Variants in STARD10 observed in about 807,000 individuals in gnomAD.
The protein encoded by STARD10 is START domain-containing protein 10.
Under a neutral mutation model 36.0 loss-of-function variants are expected in STARD10, and 24 were observed. That is an observed-to-expected ratio of 0.67 (90% CI 0.48 to 0.94). The LOEUF (loss-of-function observed/expected upper bound fraction) is 0.94. STARD10 is among the 40% of genes least tolerant of loss of function. STARD10 has a pLI of 0.00. For synonymous variants in STARD10, 156 were observed against 161.9 expected, an observed-to-expected ratio of 0.96 and a Z score of 0.28; for missense variants, 335 against 396.6, an observed-to-expected ratio of 0.84 and a Z score of 1.32.
chr11:72,758,418 G>A (rs1338769042), intron 4 of STARD10, 112 bp downstream of exon 4: 6 of 793,952 alleles, frequency 7.6e-6, no homozygotes, highest in Non-Finnish European at 1.3e-5. Flanking sequence ...GAAACTGAGG[G>A]CCAGTGGGCC....
At chr11:72,780,633 A>C in intron 2 of STARD10, 1 of 397,214 alleles carries the variant, frequency 2.5e-6, no homozygotes, top group East Asian at 5.8e-5. Context: ...CAAGTCAGGA[A>C]CCAGGTGCAG....
intron 1 of STARD10, among the ~76,000 whole-genome samples, chr11:72,787,682 C>T (rs907637505): frequency 6.6e-6 from 1 of 152,244 alleles, no homozygotes; most frequent in African/African-American, 2.4e-5. Flanking sequence ...GTCAGAGGCG[C>T]CTGATCCATC....
At chr11:72,773,136 C>A (rs571295457) in intron 2 of STARD10, among the ~76,000 whole-genome samples, 1 of 152,160 alleles carries the variant, frequency 6.6e-6, no homozygotes, top group African/African-American at 2.4e-5. Flanking sequence ...ATATTAAGGA[C>A]AGAGTAACCT....
At chr11:72,763,776 G>A (rs916005941) in intron 2 of STARD10, among the ~76,000 whole-genome samples, 1 of 152,180 alleles carries the variant, frequency 6.6e-6, no homozygotes, top group Non-Finnish European at 1.5e-5. Context: ...ATCATCGTTA[G>A]CATCCAAACA....
intron 1 of STARD10, among the ~76,000 whole-genome samples, chr11:72,782,963 G>A (rs1859024336): frequency 1.3e-5 from 2 of 152,162 alleles, no homozygotes; most frequent in African/African-American, 2.4e-5. Context: ...TCCTGTCTGT[G>A]CCCCGCTGCC....
chr11:72,763,072 T>C (rs1858741683), intron 2 of STARD10, among the ~76,000 whole-genome samples: 1 of 152,174 alleles, frequency 6.6e-6, no homozygotes, highest in Non-Finnish European at 1.5e-5. Flanking sequence ...TGGCCAACTC[T>C]TCAAGGTTTA....
chr11:72,759,201 G>C (rs1362385661), intron 3 of STARD10, 33 bp downstream of exon 3: 1 of 1,611,056 alleles, frequency 6.2e-7, no homozygotes, highest in Non-Finnish European at 8.5e-7. Flanking sequence ...TGGAGGCCAA[G>C]GGGACTGGGA....
chr11:72,778,109 T>C (rs924847405), intron 2 of STARD10, among the ~76,000 whole-genome samples: 1 of 152,090 alleles, frequency 6.6e-6, no homozygotes, highest in African/African-American at 2.4e-5. Flanking sequence ...CAAACAAGAA[T>C]AGGATGATGA....
At chr11:72,771,672 C>T (rs1351540454) in intron 2 of STARD10, among the ~76,000 whole-genome samples, 1 of 152,092 alleles carries the variant, frequency 6.6e-6, no homozygotes, top group African/African-American at 2.4e-5. Flanking sequence ...CTCCCTGGTC[C>T]CCAGCAGCCT....
chr11:72,775,441 G>C (rs1002565583), intron 2 of STARD10, among the ~76,000 whole-genome samples: 40 of 151,938 alleles, frequency 2.6e-4, no homozygotes, highest in African/African-American at 9.4e-4. Context: ...CCTGAGTTCT[G>C]AGCCTGCACT....
intron 1 of STARD10, chr11:72,790,462 A>C (rs1044023001): frequency 1.3e-5 from 2 of 152,312 alleles, no homozygotes; most frequent in African/African-American, 4.8e-5. Flanking sequence ...GCACAGGGCC[A>C]GGCCTCCAAC....
intron 4 of STARD10, 94 bp downstream of exon 4, chr11:72,758,436 G>T: frequency 1.0e-6 from 1 of 976,858 alleles, no homozygotes. Context: ...GCCCATGCCT[G>T]CCCGAAGTCA....
rs890904821 is a variant in STARD10 at position 72,781,388 on chromosome 11, G to C, written c.-113-94C>G. On this transcript the variant is annotated intron_variant, in intron 1 of 6. Coordinates refer to ENST00000334805, the MANE Select transcript of STARD10 (RefSeq NM_006645.3). This position sits in a 1 kb window ranked among gnomAD's most constrained non-coding sequence, Gnocchi z 4.7. Reference sequence around the variant, plus strand: ...CGGGTGGGGAGCTGGAGAGAGGTAGGGGCTGGCCCCAGGGAAGGGCGGACG... The same window carrying C: ...CGGGTGGGGAGCTGGAGAGAGGTAGCGGCTGGCCCCAGGGAAGGGCGGACG... 1.1e-4 allele frequency: 63 copies of C among 585,098 alleles called. No homozygotes were observed. The African/African-American group carries it at 1.1e-3, about 10-fold the overall frequency. The allele number at this position is 585,098 out of a possible 1,614,324, so 36.2% of individuals were successfully genotyped here. A position where few individuals can be genotyped will look rare whatever the true frequency, so the allele number is the denominator to read the frequency against.
At chr11:72,771,073 G>A (rs1463642978) in intron 2 of STARD10, among the ~76,000 whole-genome samples, 2 of 152,226 alleles carry the variant, frequency 1.3e-5, no homozygotes, top group Non-Finnish European at 2.9e-5. Flanking sequence ...CTATCTGGGA[G>A]GAGGGACAAT....
At chr11:72,785,053 G>A (rs1859054240) in intron 1 of STARD10, among the ~76,000 whole-genome samples, 1 of 152,186 alleles carries the variant, frequency 6.6e-6, no homozygotes, top group Admixed American at 6.5e-5. Flanking sequence ...CACTTGGAAA[G>A]AGTCACACCA....
rs572384 is a variant in STARD10 at position 72,759,499 on chromosome 11, C to T, written c.208-118G>A. 37 of 1,240,434 alleles carry T rather than the reference C, an allele frequency of 3.0e-5. No individual in the cohort carries two copies. The East Asian group carries it at 7.5e-4, about 25-fold the overall frequency. 76.8% of individuals were successfully genotyped at this position (1,240,434 alleles called of 1,614,324 possible). ...GAAAGAGGACAGCAAAGAACAGGGG[C>T]CTCTGAAACCAGCATGGACTTCCTT... On this transcript the variant is annotated intron_variant, in intron 2 of 6. Coordinates refer to ENST00000334805, the MANE Select transcript of STARD10 (RefSeq NM_006645.3).
Position 72,754,834 on chromosome 11 carries a change from C to T in STARD10, c.*63G>A. 1.3e-6 allele frequency: 2 copies of T among 1,550,972 alleles called. No individual in the cohort carries two copies. The highest frequency in any genetic ancestry group is 1.4e-5 in the African/African-American group (1 of 73,018). On this transcript the variant is annotated 3_prime_UTR_variant, in exon 7 of 7. Coordinates refer to ENST00000334805, the MANE Select transcript of STARD10 (RefSeq NM_006645.3). ...GCCGGGTGGGGGAGGGGAGAAAGTGCAGGAGCGGCCGCCGCCCCAGGGCTC... is the reference window on the plus strand; with the variant it reads ...GCCGGGTGGGGGAGGGGAGAAAGTGTAGGAGCGGCCGCCGCCCCAGGGCTC...
At chr11:72,766,770 T>A (rs3862789) in intron 2 of STARD10, among the ~76,000 whole-genome samples, 3 of 152,152 alleles carry the variant, frequency 2.0e-5, no homozygotes, top group African/African-American at 7.2e-5. Flanking sequence ...GTCCCCTCCA[T>A]GGGGCCACGT....
intron 2 of STARD10, among the ~76,000 whole-genome samples, chr11:72,761,014 C>G (rs1245623832): frequency 1.3e-5 from 2 of 152,222 alleles, no homozygotes; most frequent in South Asian, 4.1e-4. Context: ...ACACTGTCTT[C>G]CCCCTCATCC....
Sources: gnomAD v4.1 joint callset for allele counts (sites outside exome capture counted in the v4.1 genomes callset) on GRCh38, gnomAD v4.1.1 for gene constraint, Gnocchi (gnomAD v3.1) non-coding constraint, MANE v1.5 for transcripts, NCBI Gene and HGNC (gene_info 2026-07-23, HGNC 2026-07-21) for gene names.